COL5A1: variants seen among roughly 807,000 people sequenced by gnomAD.
The protein encoded by COL5A1 is collagen alpha-1(V) chain.
Under a neutral mutation model 263.7 loss-of-function variants are expected in COL5A1, and 16 were observed. The observed-to-expected ratio is 0.06, with a 90% confidence interval of 0.04 to 0.09. The LOEUF (loss-of-function observed/expected upper bound fraction) is 0.09, where lower values mean the gene tolerates loss of function less well. COL5A1 is among the 10% of genes least tolerant of loss of function. COL5A1 has a pLI of 1.00. For missense variants in COL5A1, 2,036 were observed against 2,540.5 expected (o/e 0.80, Z 4.27); for synonymous variants, 1,012 against 1,004.5 (o/e 1.01, Z -0.14).
At position 134,759,415 on chromosome 9, in the gene COL5A1, CCA is replaced by C. The variant is rs1004306029; in HGVS notation, c.1935+1123_1935+1124del. Among the ~76,000 whole-genome samples the C allele has an allele frequency of 4.0e-4, 52 of 130,166 alleles. 1 individual carries two copies. The highest frequency in any genetic ancestry group is 4.3e-3 in the Middle Eastern group (1 of 230). 85.4% of individuals were successfully genotyped at this position (130,166 alleles called of 152,430 possible). ...CATACGCATACACACCCACACACAC[CCA>C]CACTCATACACACATGCACACACCC... On this transcript the variant is annotated intron_variant, in intron 18 of 65. Coordinates refer to ENST00000371817, the MANE Select transcript of COL5A1 (RefSeq NM_000093.5).
chr9:134,810,332 C>G (rs564317289), intron 44 of COL5A1, 24 bp downstream of exon 44: 7 of 1,611,778 alleles, frequency 4.3e-6, no homozygotes, highest in Non-Finnish European at 5.9e-6. Flanking sequence ...CGGGGGCGCG[C>G]GGCAGCCCCC....
At chr9:134,645,207 G>T (rs1426223487) in intron 1 of COL5A1, among the ~76,000 whole-genome samples, 1 of 152,224 alleles carries the variant, frequency 6.6e-6, no homozygotes. Context: ...CTCCTGCGGG[G>T]CTGGCCAGAG....
intron 25 of COL5A1, among the ~76,000 whole-genome samples, chr9:134,771,122 G>A (rs2132738041): frequency 6.6e-6 from 1 of 152,376 alleles, no homozygotes; most frequent in South Asian, 2.1e-4. Context: ...CTCCAGCCTG[G>A]AACTGAGGAA....
At chr9:134,701,806 G>C (rs3124291) in intron 4 of COL5A1, among the ~76,000 whole-genome samples, 76,701 of 152,048 alleles carry the variant, frequency 0.5, 19,691 homozygotes, top group Admixed American at 0.63. Context: ...CCTCACTCCA[G>C]TCTAGCTGTG....
rs1588519690 is a variant in COL5A1 at position 134,761,996 on chromosome 9, C to T, written c.1989+18C>T. 4 of 1,612,392 alleles carry T rather than the reference C, an allele frequency of 2.5e-6. No homozygotes were observed. Among genetic ancestry groups the T allele is most frequent in the East Asian group, 2.2e-5 (1 of 44,868 alleles). On this transcript the variant is annotated intron_variant, in intron 19 of 65. Coordinates refer to ENST00000371817, the MANE Select transcript of COL5A1 (RefSeq NM_000093.5). ...GAGAAAGGGTAGGTATTCTGCCGTC[C>T]CTCCGACTGCTCCTGCCTGCCCTAC...
rs1009540514 is a variant in COL5A1 at position 134,757,408 on chromosome 9, G to A, written c.1881+590G>A. ...TGGAAGCATTTGTCCCAGGCCACGG[G>A]GGGCAGGGGAGATACTGACCTTCCG... On this transcript the variant is annotated intron_variant, in intron 17 of 65. Transcript: ENST00000371817. This position sits in a 1 kb window ranked among gnomAD's most constrained non-coding sequence, Gnocchi z 6.2. 6.6e-6 allele frequency among the ~76,000 whole-genome samples: 1 copy of A among 152,160 alleles called. No homozygotes were observed. The highest frequency in any genetic ancestry group is 1.5e-5 in the Non-Finnish European group (1 of 68,032).
intron 4 of COL5A1, among the ~76,000 whole-genome samples, chr9:134,713,417 G>C (rs1037256239): frequency 6.6e-6 from 1 of 152,350 alleles, no homozygotes; most frequent in Non-Finnish European, 1.5e-5. Context: ...TCTTCCTGAC[G>C]ATGGTTGATT....
intron 32 of COL5A1, among the ~76,000 whole-genome samples, chr9:134,793,461 C>T (rs148529555): frequency 6.6e-6 from 1 of 152,146 alleles, no homozygotes; most frequent in Non-Finnish European, 1.5e-5. Flanking sequence ...ATAAAGAAAA[C>T]AGATGAGCAA....
intron 4 of COL5A1, among the ~76,000 whole-genome samples, chr9:134,715,977 CTGGTGG>C (rs58511351): frequency 0.013 from 1,880 of 149,648 alleles, 22 homozygotes; most frequent in East Asian, 0.025. Context: ...GATGGTGATG[CTGGTGG>C]TGGTGGTGGT....
chr9:134,725,188 G>A (rs866255629), intron 4 of COL5A1, among the ~76,000 whole-genome samples: 2 of 152,158 alleles, frequency 1.3e-5, no homozygotes, highest in African/African-American at 4.8e-5. Flanking sequence ...GTGTGGTGGG[G>A]CGTGTAGTGG....
rs116003044 is a variant in COL5A1, at chr9:134,716,252, G to A, written c.655-11014G>A. Among the ~76,000 whole-genome samples, 5 of 152,120 alleles carry A rather than the reference G, an allele frequency of 3.3e-5. No individual in the cohort carries two copies. Among genetic ancestry groups the A allele is most frequent in the South Asian group, 2.1e-4 (1 of 4,820 alleles). The stretch of plus-strand genomic sequence containing the variant: ...GGAGGCCTGGAGTAATTAGTCATAC[G>A]CTGACATCCTCACAGATGACAAGGG... On this transcript the variant is annotated intron_variant, in intron 4 of 65. Transcript: ENST00000371817. This position sits in a 1 kb window ranked among gnomAD's most constrained non-coding sequence, Gnocchi z 4.5.
chr9:134,658,656 T>C (rs1832102748), intron 1 of COL5A1, among the ~76,000 whole-genome samples: 1 of 152,202 alleles, frequency 6.6e-6, no homozygotes, highest in Non-Finnish European at 1.5e-5. Flanking sequence ...TCGGGGGTCT[T>C]AATGGAAGCC....
chr9:134,796,792 C>T, intron 35 of COL5A1, 56 bp from the exon 36 acceptor site: 1 of 1,532,542 alleles, frequency 6.5e-7, no homozygotes, highest in Non-Finnish European at 9.0e-7. Flanking sequence ...AGGTCAGCGG[C>T]AGGAGCTGCT....
In COL5A1 at chr9:134,761,817, G is replaced by A. The variant is rs11103507; in HGVS notation, c.1936-108G>A. 0.08 allele frequency: 89,823 copies of A among 1,127,694 alleles called. 7,636 individuals carry two copies. The highest frequency in any genetic ancestry group is 0.29 in the African/African-American group (18,771 of 65,408). The allele number at this position is 1,127,694 out of a possible 1,614,324, so 69.9% of individuals were successfully genotyped here. A position where few individuals can be genotyped will look rare whatever the true frequency, so the allele number is the denominator to read the frequency against. On this transcript the variant is annotated intron_variant, in intron 18 of 65. Transcript: ENST00000371817. ...CCCCCATTCTGGAAGGGTCTTTTGAGAGCTTGGGAATCTTACTGTCAGAAT... is the reference window on the plus strand; with the variant it reads ...CCCCCATTCTGGAAGGGTCTTTTGAAAGCTTGGGAATCTTACTGTCAGAAT...
At chr9:134,709,019 T>C in intron 4 of COL5A1, 1 of 451,400 alleles carries the variant, frequency 2.2e-6, no homozygotes, top group Non-Finnish European at 4.5e-6. Flanking sequence ...TCGTTGGATT[T>C]AGGGCCCATC....
At chr9:134,801,186 A>C in intron 37 of COL5A1, among the ~76,000 whole-genome samples, 1 of 152,262 alleles carries the variant, frequency 6.6e-6, no homozygotes, top group East Asian at 1.9e-4. Context: ...AATCAAGCTA[A>C]AAATAACGCA....
At chr9:134,779,210 C>A (rs573751010) in intron 27 of COL5A1, among the ~76,000 whole-genome samples, 2 of 152,212 alleles carry the variant, frequency 1.3e-5, no homozygotes, top group African/African-American at 2.4e-5. Flanking sequence ...TGAGGTAGCC[C>A]GAGGTAGTCT....
At position 134,789,584 on chromosome 9, in the gene COL5A1, T is replaced by C. The variant is rs1394172311; in HGVS notation, c.2700+376T>C. Among the ~76,000 whole-genome samples the C allele has an allele frequency of 6.6e-6, 1 of 152,228 alleles. No individual in the cohort carries two copies. Among genetic ancestry groups the C allele is most frequent in the Non-Finnish European group, 1.5e-5 (1 of 68,048 alleles). On this transcript the variant is annotated intron_variant, in intron 32 of 65. Coordinates refer to ENST00000371817, the MANE Select transcript of COL5A1 (RefSeq NM_000093.5). The surrounding 1 kb of genome is among the most constrained non-coding windows in gnomAD (Gnocchi z 4.8). Reference sequence around the variant, plus strand: ...GGAAGGGAAAAAGGAGATTGTTTTTTCCCTTCAAAAATGTCCTGCTACTTA... The same window carrying C: ...GGAAGGGAAAAAGGAGATTGTTTTTCCCCTTCAAAAATGTCCTGCTACTTA...
chr9:134,705,957 G>A lies in COL5A1; in HGVS notation c.654+4624G>A, dbSNP rs1358971455. ...CCAGCTAGGGCGAGTGCTCCGGGGC[G>A]CCTCCTGCCCGTACCTGCACCTGCC... On this transcript the variant is annotated intron_variant, in intron 4 of 65. Transcript: ENST00000371817. 4.6e-5 allele frequency among the ~76,000 whole-genome samples: 7 copies of A among 152,334 alleles called. No individual in the cohort carries two copies. In the South Asian group the frequency reaches 1.2e-3, roughly 27 times the overall value.
Sources: allele counts gnomAD v4.1 joint callset (sites outside exome capture counted in the v4.1 genomes callset), GRCh38; gene constraint gnomAD v4.1.1; non-coding constraint Gnocchi (gnomAD v3.1); transcripts MANE v1.5; gene names NCBI Gene and HGNC (gene_info 2026-07-23, HGNC 2026-07-21).